Variants in COL4A3 observed in about 807,000 individuals in gnomAD.
COL4A3 encodes collagen alpha-3(IV) chain.
Under a neutral mutation model 217.4 loss-of-function variants are expected in COL4A3, and 135 were observed. The ratio of observed to expected loss-of-function variants is 0.62; its 90% CI spans 0.54 to 0.72. The LOEUF is 0.72. Ranked by LOEUF, COL4A3 falls within the 30% of genes least tolerant of loss-of-function variation. The pLI is 0.00. For synonymous variants in COL4A3, 690 were observed against 736.3 expected, an observed-to-expected ratio of 0.94 and a Z score of 1.02; for missense variants, 1,868 against 2,119.9, an observed-to-expected ratio of 0.88 and a Z score of 2.33.
At chr2:227,190,691 G>C (rs2066202264) in intron 1 of COL4A3, among the ~76,000 whole-genome samples, 1 of 152,192 alleles carries the variant, frequency 6.6e-6, no homozygotes, top group Non-Finnish European at 1.5e-5. Context: ...CAGATTGCTT[G>C]AGCTCAGGAG....
chr2:227,259,484 C>T (rs1453523782), intron 18 of COL4A3, among the ~76,000 whole-genome samples: 1 of 152,118 alleles, frequency 6.6e-6, no homozygotes, highest in Non-Finnish European at 1.5e-5. Flanking sequence ...TACATATACA[C>T]ACATACATAG....
At chr2:227,176,037 C>G (rs1195509805) in intron 1 of COL4A3, among the ~76,000 whole-genome samples, 1 of 152,172 alleles carries the variant, frequency 6.6e-6, no homozygotes, top group Non-Finnish European at 1.5e-5. Flanking sequence ...CTTATCCCAC[C>G]TGACACAGGA....
rs138745997 is a variant in COL4A3 at position 227,199,001 on chromosome 2, C to T, written c.87+34188C>T. On this transcript the variant is annotated intron_variant, in intron 1 of 51. Transcript: ENST00000396578. ...AATGGCAGCAACTGAGATGGCCCTG[C>T]GGAGTCACAGGAATTAGGGCAAGGG... Among the ~76,000 whole-genome samples, 47 of 152,144 alleles carry T rather than the reference C, an allele frequency of 3.1e-4. No individual in the cohort carries two copies. In the East Asian group the frequency reaches 7.9e-3, roughly 26 times the overall value.
At chr2:227,210,517 G>A (rs1045068175) in intron 1 of COL4A3, among the ~76,000 whole-genome samples, 6 of 152,238 alleles carry the variant, frequency 3.9e-5, no homozygotes, top group African/African-American at 1.2e-4. Flanking sequence ...TTGAACCTGG[G>A]AGGCGGAGGT....
chr2:227,293,106 A>G, intron 37 of COL4A3, 85 bp from the exon 38 acceptor site: 1 of 1,570,548 alleles, frequency 6.4e-7, no homozygotes. Context: ...AATGAATGAA[A>G]AAATTAGTGA....
rs398105403 is a variant in COL4A3 at position 227,212,161 on chromosome 2, G to GTT, written c.88-25799_88-25798dup. Among the ~76,000 whole-genome samples, 1,334 of 148,538 alleles carry GTT rather than the reference G, an allele frequency of 9.0e-3. 18 individuals are homozygous for GTT. The highest frequency in any genetic ancestry group is 0.027 in the African/African-American group (1,102 of 40,574). The stretch of plus-strand genomic sequence containing the variant: ...TGCACGTATCTTTTCTGTTTTTTTT[G>GTT]TTTTTTTTTGTCTTTTTCTTATTGA... On this transcript the variant is annotated intron_variant, in intron 1 of 51. Transcript: ENST00000396578.
At chr2:227,212,869 T>C (rs35942888) in intron 1 of COL4A3, among the ~76,000 whole-genome samples, 2,146 of 152,356 alleles carry the variant, frequency 0.014, 24 homozygotes, top group Non-Finnish European at 0.022. Flanking sequence ...CATGATTTAA[T>C]GAAAGCAGTT....
intron 30 of COL4A3, 24 bp from the exon 31 acceptor site, chr2:227,280,869 A>T: frequency 6.7e-7 from 1 of 1,490,692 alleles, no homozygotes; most frequent in Non-Finnish European, 9.2e-7. Flanking sequence ...GCACCTGGGT[A>T]TATACTTGTG....
chr2:227,205,123 A>C (rs1574565867), intron 1 of COL4A3, among the ~76,000 whole-genome samples: 1 of 152,232 alleles, frequency 6.6e-6, no homozygotes, highest in Admixed American at 6.5e-5. Context: ...TTCTATATGC[A>C]ATCTTGAAAT....
At chr2:227,232,347 C>T (rs1424587481) in intron 1 of COL4A3, among the ~76,000 whole-genome samples, 1 of 152,214 alleles carries the variant, frequency 6.6e-6, no homozygotes, top group Non-Finnish European at 1.5e-5. Context: ...GTGCAGATAT[C>T]TCTTTGATAC....
intron 47 of COL4A3, 42 bp downstream of exon 47, chr2:227,305,125 C>T (rs368698192): frequency 1.2e-4 from 190 of 1,556,354 alleles, no homozygotes; most frequent in Non-Finnish European, 1.6e-4. Context: ...AGTGCTATTT[C>T]GACATACAGA....
intron 43 of COL4A3, 126 bp from the exon 44 acceptor site, chr2:227,302,912 T>C (rs549374234): frequency 4.4e-6 from 3 of 680,808 alleles, no homozygotes; most frequent in Non-Finnish European, 8.0e-6. Context: ...AAAAATGATG[T>C]CTGCTAACTT....
intron 1 of COL4A3, among the ~76,000 whole-genome samples, chr2:227,183,015 T>A (rs72971861): frequency 0.17 from 25,909 of 152,184 alleles, 2,383 homozygotes; most frequent in Admixed American, 0.25. Flanking sequence ...AAGCTTCCCC[T>A]AAGTCAGACT....
chr2:227,252,444 G>A (rs2069821521), intron 11 of COL4A3, among the ~76,000 whole-genome samples: 1 of 151,738 alleles, frequency 6.6e-6, no homozygotes, highest in Admixed American at 6.6e-5. Context: ...TCAAACTCCC[G>A]ACCTCAGGTG....
At chr2:227,303,757 G>T in intron 44 of COL4A3, 102 bp from the exon 45 acceptor site, 1 of 1,137,164 alleles carries the variant, frequency 8.8e-7, no homozygotes, top group African/African-American at 1.5e-5. Context: ...AGAGCCTCCA[G>T]GCACACTTCT....
intron 18 of COL4A3, among the ~76,000 whole-genome samples, chr2:227,258,139 TG>T (rs1338791287): frequency 2.0e-5 from 3 of 152,240 alleles, no homozygotes; most frequent in Admixed American, 6.5e-5. Flanking sequence ...TTATATTCTG[TG>T]ACTCTGCAGC....
intron 1 of COL4A3, among the ~76,000 whole-genome samples, chr2:227,222,172 GA>G (rs1559840037): frequency 1.1e-4 from 10 of 91,574 alleles, no homozygotes; most frequent in Non-Finnish European, 2.0e-4. Flanking sequence ...TAATGATAAT[GA>G]TAATAAAAAG....
At chr2:227,234,195 A>G (rs1309925638) in intron 1 of COL4A3, among the ~76,000 whole-genome samples, 2 of 152,010 alleles carry the variant, frequency 1.3e-5, no homozygotes, top group African/African-American at 2.4e-5. Context: ...AGAAAGAGAG[A>G]AGGAGAGACA....
chr2:227,312,662 T>C lies in COL4A3; in HGVS notation c.*792T>C, dbSNP rs757002799. On this transcript the variant is annotated 3_prime_UTR_variant, in exon 52 of 52. Transcript: ENST00000396578. ...AAATGATATTGTTATATACATACTATGAAATATGTATAACTTTAACTTCTG... is the reference window on the plus strand; with the variant it reads ...AAATGATATTGTTATATACATACTACGAAATATGTATAACTTTAACTTCTG... The C allele has an allele frequency of 1.3e-5, 2 of 152,678 alleles. No individual in the cohort carries two copies. Among genetic ancestry groups the C allele is most frequent in the Non-Finnish European group, 2.9e-5 (2 of 68,048 alleles). 9.5% of individuals were successfully genotyped at this position (152,678 alleles called of 1,614,324 possible). A position where few individuals can be genotyped will look rare whatever the true frequency, so the allele number is the denominator to read the frequency against.
Sources: allele counts gnomAD v4.1 joint callset (sites outside exome capture counted in the v4.1 genomes callset), GRCh38; gene constraint gnomAD v4.1.1; transcripts MANE v1.5; gene names NCBI Gene and HGNC (gene_info 2026-07-23, HGNC 2026-07-21).